The following DNAJC7 variants were observed in gnomAD, a reference collection of about 807,000 sequenced individuals.
DNAJC7 encodes DnaJ heat shock protein family (Hsp40) member C7, also known as dnaJ homolog subfamily C member 7.
DNAJC7 carries 18 observed loss-of-function variants against 67.4 expected under a neutral mutation model. That is an observed-to-expected ratio of 0.27 (90% confidence interval 0.18 to 0.40). The LOEUF (loss-of-function observed/expected upper bound fraction) is 0.40, where lower values mean the gene tolerates loss of function less well. DNAJC7 is among the 10% of genes least tolerant of loss of function. The pLI is 1.00. For synonymous variants in DNAJC7, 220 were observed against 207.8 expected (o/e 1.06, Z -0.50); for missense variants, 419 against 613.8 (o/e 0.68, Z 3.35).
rs1476011374 is a variant in DNAJC7, at chr17:42,005,963, T to C, written c.78-5393A>G. Among the ~76,000 whole-genome samples the C allele has an allele frequency of 6.7e-5, 10 of 150,082 alleles. No individual in the cohort carries two copies. In the Admixed American group the frequency reaches 6.7e-4, roughly 10 times the overall value. On this transcript the variant is annotated intron_variant, in intron 1 of 13. Coordinates refer to ENST00000457167, the MANE Select transcript of DNAJC7 (RefSeq NM_003315.4). Reference sequence around the variant, plus strand: ...TATTTATTTAATTTTTTTTATTTTTTGAGACACAGTCTGACTGTCACCCAG... The same window carrying C: ...TATTTATTTAATTTTTTTTATTTTTCGAGACACAGTCTGACTGTCACCCAG...
intron 1 of DNAJC7, among the ~76,000 whole-genome samples, chr17:42,002,475 A>G (rs2051834118): frequency 2.0e-5 from 3 of 152,190 alleles, no homozygotes; most frequent in African/African-American, 4.8e-5. Flanking sequence ...CGGGGAGTTC[A>G]GGACTGGCTT....
chr17:41,982,078 C>T, intron 11 of DNAJC7, 71 bp from the exon 12 acceptor site: 1 of 1,585,684 alleles, frequency 6.3e-7, no homozygotes, highest in Non-Finnish European at 8.6e-7. Context: ...AAGAGAAAAA[C>T]TACTTTCTGT....
At position 41,983,573 on chromosome 17, in the gene DNAJC7, C is replaced by T. The variant is rs782365253; in HGVS notation, c.1074G>A (p.Glu358=). Reference sequence around the variant, plus strand: ...TGCTTTTAAACTTACCTTTTGTTTTCTCTGTCTGGTATACTTTTTCATAGT... The same window carrying T: ...TGCTTTTAAACTTACCTTTTGTTTTTTCTGTCTGGTATACTTTTTCATAGT... ...VRDYEKVYQT[E]KTKEHKQLLK... Residue 358 remains glutamate (E), a synonymous_variant, in exon 10 of 14, where the codon GAG becomes GAA. Coordinates refer to ENST00000457167, the MANE Select transcript of DNAJC7 (RefSeq NM_003315.4). 1 of 1,591,278 alleles carries T rather than the reference C, an allele frequency of 6.3e-7. No homozygotes were observed. The highest frequency in any genetic ancestry group is 2.2e-5 in the East Asian group (1 of 44,520).
Position 41,996,408 on chromosome 17 carries a change from C to G in DNAJC7, c.308G>C (p.Gly103Ala). The G allele has an allele frequency of 6.2e-7, 1 of 1,613,916 alleles. No individual in the cohort carries two copies. Among genetic ancestry groups the G allele is most frequent in the Non-Finnish European group, 8.5e-7 (1 of 1,179,850 alleles). Residue 103 changes from glycine to alanine, a missense_variant, in exon 4 of 14, where the codon GGC becomes GCC. Transcript: ENST00000457167. ...ATTCCCCAGAGAGAGGTGGCACTTG[C>G]CCTCTCGTAGATGTCCCTAAAAGAA... is the stretch of plus-strand genomic sequence containing the variant. Reference protein sequence around the residue: ...DSFVRGHLREGKCHLSLGNAM... With the variant: ...DSFVRGHLREAKCHLSLGNAM...
Position 41,996,430 on chromosome 17 carries a change from A to G in DNAJC7, c.292-6T>C. ...TTGCCCTCTCGTAGATGTCCCTAAA[A>G]GAACACCAAGAGGGAAGAAAAGAAG... On this transcript the variant is annotated splice_region_variant and splice_polypyrimidine_tract_variant and intron_variant, in intron 3 of 13. Transcript: ENST00000457167. The G allele has an allele frequency of 1.2e-6, 2 of 1,610,358 alleles. No homozygotes were observed. Among genetic ancestry groups the G allele is most frequent in the Non-Finnish European group, 1.7e-6 (2 of 1,178,556 alleles).
chr17:41,998,005 G>A (rs1367595419), intron 2 of DNAJC7, among the ~76,000 whole-genome samples: 1 of 152,160 alleles, frequency 6.6e-6, no homozygotes, highest in Non-Finnish European at 1.5e-5. Flanking sequence ...TGGGACCACA[G>A]GCACACGCCA....
chr17:42,010,817 G>A (rs2052097267), intron 1 of DNAJC7, among the ~76,000 whole-genome samples: 1 of 152,130 alleles, frequency 6.6e-6, no homozygotes, highest in African/African-American at 2.4e-5. Context: ...TAAGTCACAT[G>A]CCAATAGAAT....
intron 1 of DNAJC7, chr17:42,016,394 T>C (rs1277209481): frequency 6.6e-6 from 1 of 152,218 alleles, no homozygotes; most frequent in African/African-American, 2.4e-5. Flanking sequence ...GAGGGCACTG[T>C]AGATATCTTG....
At chr17:41,976,902 A>C (rs1555644937) in intron 13 of DNAJC7, 132 bp from the exon 14 acceptor site, 26 of 1,179,504 alleles carry the variant, frequency 2.2e-5, no homozygotes, top group Non-Finnish European at 5.9e-6. Flanking sequence ...GGTATCAAAC[A>C]GCTCAGGCTG....
At chr17:42,016,999 A>C (rs1483357726) in intron 1 of DNAJC7, 1 of 1,281,078 alleles carries the variant, frequency 7.8e-7, no homozygotes, top group Non-Finnish European at 1.0e-6. Context: ...GTCGGGGGCG[A>C]TGTAAGGAAG....
chr17:41,990,885 T>C lies in DNAJC7; in HGVS notation c.481-503A>G, dbSNP rs563849912. The stretch of plus-strand genomic sequence containing the variant: ...CAGGGTTTCACCATGTTAGCCATGA[T>C]GGTCTTGATCCTCGTGATCCGTCCT... On this transcript the variant is annotated intron_variant, in intron 5 of 13. Coordinates refer to ENST00000457167, the MANE Select transcript of DNAJC7 (RefSeq NM_003315.4). 2.6e-5 allele frequency among the ~76,000 whole-genome samples: 4 copies of C among 152,214 alleles called. No individual in the cohort carries two copies. The East Asian group carries it at 7.7e-4, about 29-fold the overall frequency.
chr17:42,008,906 G>C (rs1555650729), intron 1 of DNAJC7, among the ~76,000 whole-genome samples: 1 of 151,938 alleles, frequency 6.6e-6, no homozygotes. Context: ...ATGAGGTCTT[G>C]CCATGTTGGC....
chr17:41,976,461 C>CT lies in DNAJC7; in HGVS notation c.*271dup, dbSNP rs71705091. The CT allele has an allele frequency of 0.69, 232,573 of 335,446 alleles. 74,838 individuals are homozygous for CT. Among genetic ancestry groups the CT allele is most frequent in the Admixed American group, 0.82 (15,604 of 19,034 alleles). The allele number at this position is 335,446 out of a possible 1,614,324, so 20.8% of individuals were successfully genotyped here. ...AGGAAGGGTCAAAACATTTTATTCT[C>CT]TTTTTTTTTTCTTTTTTAATAAAGT... On this transcript the variant is annotated 3_prime_UTR_variant, in exon 14 of 14. Transcript: ENST00000457167.
intron 6 of DNAJC7, among the ~76,000 whole-genome samples, 186 bp from the exon 7 acceptor site, chr17:41,989,743 C>T (rs1268128626): frequency 1.3e-5 from 2 of 152,360 alleles, no homozygotes; most frequent in African/African-American, 2.4e-5. Flanking sequence ...CTTTAATACA[C>T]ATCTTGTGTC....
chr17:41,986,280 C>T (rs1190064041), intron 9 of DNAJC7, among the ~76,000 whole-genome samples: 1 of 151,960 alleles, frequency 6.6e-6, no homozygotes, highest in African/African-American at 2.4e-5. Context: ...GCAGGAAATT[C>T]GCTTGAACTC....
At chr17:42,005,683 A>G (rs574545355) in intron 1 of DNAJC7, among the ~76,000 whole-genome samples, 1 of 152,318 alleles carries the variant, frequency 6.6e-6, no homozygotes, top group South Asian at 2.1e-4. Flanking sequence ...CTTGTAACCT[A>G]GGAAATGTGG....
intron 8 of DNAJC7, 147 bp downstream of exon 8, chr17:41,988,585 T>A: frequency 1.0e-6 from 1 of 982,838 alleles, no homozygotes. Context: ...AAAGCTTGCC[T>A]CTTGGAAGGG....
chr17:42,010,769 A>G (rs1555650958), intron 1 of DNAJC7, among the ~76,000 whole-genome samples: 3 of 152,130 alleles, frequency 2.0e-5, no homozygotes, highest in Non-Finnish European at 4.4e-5. Context: ...GATGGTTAAC[A>G]CTGCTTATCT....
At chr17:42,007,634 G>T (rs1384109364) in intron 1 of DNAJC7, among the ~76,000 whole-genome samples, 1 of 150,562 alleles carries the variant, frequency 6.6e-6, no homozygotes, top group Admixed American at 6.6e-5. Context: ...AGCGATTCTT[G>T]TGCCTCAGCC....
Sources: allele counts gnomAD v4.1 joint callset (sites outside exome capture counted in the v4.1 genomes callset), GRCh38; gene constraint gnomAD v4.1.1; transcripts MANE v1.5; gene names NCBI Gene and HGNC (gene_info 2026-07-23, HGNC 2026-07-21).